Variants in KCNQ1 observed in about 807,000 individuals in gnomAD.
KCNQ1 encodes potassium voltage-gated channel subfamily KQT member 1.
KCNQ1 carries 49 observed loss-of-function variants against 72.4 expected under a neutral mutation model. That is an observed-to-expected ratio of 0.68 (90% confidence interval 0.54 to 0.86). The LOEUF (loss-of-function observed/expected upper bound fraction) is 0.86. Ranked by LOEUF, KCNQ1 falls within the 40% of genes least tolerant of loss-of-function variation. The pLI, the probability that KCNQ1 is intolerant of heterozygous loss-of-function variation, is 0.00. For synonymous variants in KCNQ1, 450 were observed against 412.6 expected, an observed-to-expected ratio of 1.09 and a Z score of -1.10; for missense variants, 790 against 945.1, an observed-to-expected ratio of 0.84 and a Z score of 2.15.
rs1590033569 is a variant in KCNQ1, at chr11:2,688,459, A to G, written c.1514+26378A>G. On this transcript the variant is annotated intron_variant, in intron 11 of 15. Transcript: ENST00000155840. ...GCCTGTGCCATCACTATTTCACAGG[A>G]GAACACCACACTGAGGCTCTGCCTC... is the stretch of plus-strand genomic sequence containing the variant. 4 of 398,736 alleles carry G rather than the reference A, an allele frequency of 1.0e-5. No homozygotes were observed. The East Asian group carries it at 1.4e-4, about 14-fold the overall frequency. The allele number at this position is 398,736 out of a possible 1,614,324, so 24.7% of individuals were successfully genotyped here.
chr11:2,668,228 G>C lies in KCNQ1; in HGVS notation c.1514+6147G>C, dbSNP rs1379852129. ...TCATTCATCCATTCTACCACCTGTGGCCAGCAGGCAGTTTCTGGTGTAGGT... is the reference window on the plus strand; with the variant it reads ...TCATTCATCCATTCTACCACCTGTGCCCAGCAGGCAGTTTCTGGTGTAGGT... On this transcript the variant is annotated intron_variant, in intron 11 of 15. Coordinates refer to ENST00000155840, the MANE Select transcript of KCNQ1 (RefSeq NM_000218.3). The surrounding 1 kb of genome is among the most constrained non-coding windows in gnomAD (Gnocchi z 4.3). The C allele has an allele frequency of 2.0e-5, 8 of 398,488 alleles. No individual in the cohort carries two copies. The highest frequency in any genetic ancestry group is 3.5e-5 in the Non-Finnish European group (8 of 226,088). The allele number at this position is 398,488 out of a possible 1,614,324, so 24.7% of individuals were successfully genotyped here. A position where few individuals can be genotyped will look rare whatever the true frequency, so the allele number is the denominator to read the frequency against.
chr11:2,560,558 A>G (rs1172671209), intron 2 of KCNQ1, among the ~76,000 whole-genome samples: 4 of 132,256 alleles, frequency 3.0e-5, no homozygotes, highest in Admixed American at 7.9e-5. Flanking sequence ...GGTGACGTCC[A>G]TCCTGGGGGA....
At chr11:2,585,630 C>A (rs1433084188) in intron 8 of KCNQ1, among the ~76,000 whole-genome samples, 2 of 152,244 alleles carry the variant, frequency 1.3e-5, no homozygotes, top group Non-Finnish European at 2.9e-5. Flanking sequence ...CACTGCACAA[C>A]AACCTGAGGG....
chr11:2,845,035 G>C lies in KCNQ1; in HGVS notation c.1795-2732G>C, dbSNP rs372002939. Among the ~76,000 whole-genome samples, 64 of 152,308 alleles carry C rather than the reference G, an allele frequency of 4.2e-4. 1 individual carries two copies. The highest frequency in any genetic ancestry group is 7.8e-4 in the Non-Finnish European group (53 of 68,022). Reference sequence around the variant, plus strand: ...ATCTGCTACGCTCTCGTAGGTCTCTGGGCCTCAGTTTCCTCATGTGCACCC... The same window carrying C: ...ATCTGCTACGCTCTCGTAGGTCTCTCGGCCTCAGTTTCCTCATGTGCACCC... On this transcript the variant is annotated intron_variant, in intron 15 of 15. Transcript: ENST00000155840.
At chr11:2,632,304 T>A in intron 10 of KCNQ1, 7 of 398,516 alleles carry the variant, frequency 1.8e-5, no homozygotes, top group Non-Finnish European at 3.1e-5. Flanking sequence ...TCTACAAATA[T>A]GATCATATCT....
rs567871123 is a variant in KCNQ1, at chr11:2,659,781, T to G, written c.1394-2180T>G. 32 of 398,402 alleles carry G rather than the reference T, an allele frequency of 8.0e-5. No homozygotes were observed. Among genetic ancestry groups the G allele is most frequent in the Non-Finnish European group, 1.3e-4 (30 of 226,020 alleles). 24.7% of individuals were successfully genotyped at this position (398,402 alleles called of 1,614,324 possible). ...GTTGGTATTGTCAGGTTTTGAATTTTTTTTTTAATTTATGGAATTTCATTG... is the reference window on the plus strand; with the variant it reads ...GTTGGTATTGTCAGGTTTTGAATTTGTTTTTTAATTTATGGAATTTCATTG... On this transcript the variant is annotated intron_variant, in intron 10 of 15. Transcript: ENST00000155840. The surrounding 1 kb of genome is among the most constrained non-coding windows in gnomAD (Gnocchi z 4.3).
At position 2,634,872 on chromosome 11, in the gene KCNQ1, C is replaced by G. The variant is rs1323191191; in HGVS notation, c.1394-27089C>G. On this transcript the variant is annotated intron_variant, in intron 10 of 15. Coordinates refer to ENST00000155840, the MANE Select transcript of KCNQ1 (RefSeq NM_000218.3). ...TCCTGAATTTTTAATGATTGCCATT[C>G]TAACTGGTGTGAGATGGTATCTCAT... 4.6e-5 allele frequency: 7 copies of G among 152,214 alleles called. No individual in the cohort carries two copies. The East Asian group carries it at 1.3e-3, about 29-fold the overall frequency. The allele number at this position is 152,214 out of a possible 1,614,324, so 9.4% of individuals were successfully genotyped here. A position where few individuals can be genotyped will look rare whatever the true frequency, so the allele number is the denominator to read the frequency against.
intron 11 of KCNQ1, among the ~76,000 whole-genome samples, chr11:2,733,857 C>CTCTCTCTCTCTCTCGCTCTTTCTCTCT (rs147278439): frequency 1.3e-5 from 1 of 76,372 alleles, no homozygotes; most frequent in African/African-American, 6.1e-5. Flanking sequence ...CTCTCTCTCT[C>CTCTCTCTCTCTCTCGCTCTTTCTCTCT]CCCCCCCACT....
chr11:2,628,450 T>C (rs374094615), intron 10 of KCNQ1: 1 of 398,512 alleles, frequency 2.5e-6, no homozygotes, highest in East Asian at 3.6e-5. Flanking sequence ...AATAAATGTC[T>C]ATTCAGTCCC....
In KCNQ1 at chr11:2,541,968, G is replaced by T. The variant is rs1847834288; in HGVS notation, c.477+13950G>T. 6.6e-6 allele frequency among the ~76,000 whole-genome samples: 1 copy of T among 152,176 alleles called. No homozygotes were observed. Among genetic ancestry groups the T allele is most frequent in the Admixed American group, 6.5e-5 (1 of 15,280 alleles). Reference sequence around the variant, plus strand: ...AAGGCCGGCGCAGAGCTGCACCGTGGGGTCCCCTGGCTTGGGGTGGGCCTC... The same window carrying T: ...AAGGCCGGCGCAGAGCTGCACCGTGTGGTCCCCTGGCTTGGGGTGGGCCTC... On this transcript the variant is annotated intron_variant, in intron 2 of 15. Coordinates refer to ENST00000155840, the MANE Select transcript of KCNQ1 (RefSeq NM_000218.3). The surrounding 1 kb of genome is among the most constrained non-coding windows in gnomAD (Gnocchi z 4.8).
At chr11:2,841,470 G>T (rs1299803698) in intron 15 of KCNQ1, among the ~76,000 whole-genome samples, 1 of 152,174 alleles carries the variant, frequency 6.6e-6, no homozygotes, top group African/African-American at 2.4e-5. Context: ...TGGGCAAGGG[G>T]CATGGGGGGC....
chr11:2,609,088 T>C (rs1015992038), intron 10 of KCNQ1: 11 of 398,322 alleles, frequency 2.8e-5, no homozygotes. Flanking sequence ...AGTTTGCTCT[T>C]CTTTTTCTAG....
intron 1 of KCNQ1, among the ~76,000 whole-genome samples, chr11:2,469,456 A>G (rs1281062335): frequency 6.6e-6 from 1 of 151,584 alleles, no homozygotes; most frequent in East Asian, 2.0e-4. Flanking sequence ...GTATTTTAGT[A>G]GAGACAGGGT....
intron 2 of KCNQ1, among the ~76,000 whole-genome samples, chr11:2,533,320 T>A (rs1847672732): frequency 6.6e-6 from 1 of 152,140 alleles, no homozygotes; most frequent in South Asian, 2.1e-4. Flanking sequence ...GAATCTGGTC[T>A]CGGCTGGGGT....
intron 11 of KCNQ1, among the ~76,000 whole-genome samples, chr11:2,729,375 A>C (rs1845814794): frequency 6.6e-6 from 1 of 152,236 alleles, no homozygotes; most frequent in East Asian, 1.9e-4. Context: ...GAAAGAAGAT[A>C]GTGAAGTCCT....
rs947784371 is a variant in KCNQ1, at chr11:2,478,745, A to G, written c.386+33261A>G. On this transcript the variant is annotated intron_variant, in intron 1 of 15. Coordinates refer to ENST00000155840, the MANE Select transcript of KCNQ1 (RefSeq NM_000218.3). This position sits in a 1 kb window ranked among gnomAD's most constrained non-coding sequence, Gnocchi z 4.0. ...TCTCATGTCCTCACATTTCAAAACC[A>G]ATCATGCCTTCCCAACGGTGCCCCA... 1.3e-5 allele frequency among the ~76,000 whole-genome samples: 2 copies of G among 152,104 alleles called. No homozygotes were observed. The highest frequency in any genetic ancestry group is 2.9e-5 in the Non-Finnish European group (2 of 68,020).
At chr11:2,675,695 C>G in intron 11 of KCNQ1, 1 of 398,666 alleles carries the variant, frequency 2.5e-6, no homozygotes, top group Non-Finnish European at 4.4e-6. Context: ...CTGCCTTTCC[C>G]TGTCAAAAAC....
rs1849215407 is a variant in KCNQ1, at chr11:2,623,783, AC to A, written c.1393+34931del. ...AAGTCTTCACCTCCTTTGAGTAAAT[AC>A]CAAGGATGTGATTGCTGAACTGCAT... is the stretch of plus-strand genomic sequence containing the variant. On this transcript the variant is annotated intron_variant, in intron 10 of 15. Coordinates refer to ENST00000155840, the MANE Select transcript of KCNQ1 (RefSeq NM_000218.3). The surrounding 1 kb of genome is among the most constrained non-coding windows in gnomAD (Gnocchi z 5.2). The A allele has an allele frequency of 2.5e-6, 1 of 398,458 alleles. No individual in the cohort carries two copies. The highest frequency in any genetic ancestry group is 2.1e-5 in the African/African-American group (1 of 48,640). 24.7% of individuals were successfully genotyped at this position (398,458 alleles called of 1,614,324 possible). A position where few individuals can be genotyped will look rare whatever the true frequency, so the allele number is the denominator to read the frequency against.
Position 2,481,825 on chromosome 11 carries a change from C to T in KCNQ1, c.386+36341C>T, listed in dbSNP as rs550408571. ...TAGTTGCAGGAAAACAAGCTCAGGG[C>T]TCTCACTGATTCTACATTATGGTGA... is the stretch of plus-strand genomic sequence containing the variant. On this transcript the variant is annotated intron_variant, in intron 1 of 15. Coordinates refer to ENST00000155840, the MANE Select transcript of KCNQ1 (RefSeq NM_000218.3). This position sits in a 1 kb window ranked among gnomAD's most constrained non-coding sequence, Gnocchi z 4.6. 2.6e-5 allele frequency among the ~76,000 whole-genome samples: 4 copies of T among 152,302 alleles called. No homozygotes were observed. In the South Asian group the frequency reaches 8.3e-4, roughly 32 times the overall value.
Sources: gnomAD v4.1 joint callset for allele counts (sites outside exome capture counted in the v4.1 genomes callset) on GRCh38, gnomAD v4.1.1 for gene constraint, Gnocchi (gnomAD v3.1) non-coding constraint, MANE v1.5 for transcripts, NCBI Gene and HGNC (gene_info 2026-07-23, HGNC 2026-07-21) for gene names.